SNX13: variants seen among roughly 807,000 people sequenced by gnomAD.
SNX13 encodes sorting nexin 13.
SNX13 carries 45 observed loss-of-function variants against 133.6 expected under a neutral mutation model. The ratio of observed to expected loss-of-function variants is 0.34; its 90% CI spans 0.27 to 0.43. The LOEUF is 0.43. Ranked by LOEUF, SNX13 falls within the 20% of genes least tolerant of loss-of-function variation. The pLI is 1.00. For synonymous variants in SNX13, 414 were observed against 373.9 expected (o/e 1.11, Z -1.24); for missense variants, 1,032 against 1,145.1 (o/e 0.90, Z 1.43).
intron 15 of SNX13, chr7:17,832,488 A>G: frequency 2.0e-6 from 2 of 983,086 alleles, no homozygotes; most frequent in Non-Finnish European, 2.4e-6. Flanking sequence ...TCCACTTCAC[A>G]AATACGAAGA....
chr7:17,793,359 C>A lies in SNX13; in HGVS notation c.*686G>T, dbSNP rs1180766733. ...GAGTACCCTAAGAGCAAAACACAGC[C>A]CTTAAAGCACACATAAGAATAAAAA... On this transcript the variant is annotated 3_prime_UTR_variant, in exon 26 of 26. Coordinates refer to ENST00000428135, the MANE Select transcript of SNX13 (RefSeq NM_015132.5). 2.0e-5 allele frequency: 3 copies of A among 151,950 alleles called. No individual in the cohort carries two copies. The highest frequency in any genetic ancestry group is 7.3e-5 in the African/African-American group (3 of 41,350). The allele number at this position is 151,950 out of a possible 1,614,324, so 9.4% of individuals were successfully genotyped here.
chr7:17,878,698 T>C (rs1583593019), intron 5 of SNX13, among the ~76,000 whole-genome samples: 1 of 152,142 alleles, frequency 6.6e-6, no homozygotes, highest in Admixed American at 6.5e-5. Context: ...AAAACTGCAA[T>C]AACACCCCAT....
intron 1 of SNX13, among the ~76,000 whole-genome samples, chr7:17,902,875 G>T (rs1797984954): frequency 6.6e-6 from 1 of 152,172 alleles, no homozygotes. Context: ...ATAGGAACGT[G>T]AAACCTATTG....
At chr7:17,880,200 T>C (rs528270871) in intron 5 of SNX13, 33 of 152,350 alleles carry the variant, frequency 2.2e-4, no homozygotes, top group African/African-American at 7.5e-4. Context: ...TTCTTTAAAA[T>C]GGCATGGCAA....
intron 7 of SNX13, among the ~76,000 whole-genome samples, chr7:17,874,132 A>T (rs187744517): frequency 1.1e-3 from 161 of 152,338 alleles, no homozygotes; most frequent in African/African-American, 3.6e-3. Context: ...TTACATTCTA[A>T]GTTACTGTAA....
chr7:17,869,952 T>A (rs1793877216), intron 8 of SNX13, among the ~76,000 whole-genome samples: 1 of 152,006 alleles, frequency 6.6e-6, no homozygotes, highest in East Asian at 1.9e-4. Context: ...CTGGGGAAAA[T>A]TTTTGATTAA....
At chr7:17,832,543 A>T (rs1034785514) in intron 15 of SNX13, 2 of 932,726 alleles carry the variant, frequency 2.1e-6, no homozygotes, top group Non-Finnish European at 1.3e-6. Context: ...AAAAACTTTT[A>T]TAATAGTCAT....
rs1350279452 is a variant in SNX13 at position 17,790,815 on chromosome 7, AT to A, written c.*3229del. On this transcript the variant is annotated 3_prime_UTR_variant, in exon 26 of 26. Coordinates refer to ENST00000428135, the MANE Select transcript of SNX13 (RefSeq NM_015132.5). ...AATGGACAGAACACAAACCAAATAA[AT>A]TTTTTAATCCTTTTAGTTGAATAAA... 6.6e-6 allele frequency: 1 copy of A among 152,086 alleles called. No homozygotes were observed. The highest frequency in any genetic ancestry group is 6.6e-5 in the Admixed American group (1 of 15,266). The allele number at this position is 152,086 out of a possible 1,614,324, so 9.4% of individuals were successfully genotyped here. A position where few individuals can be genotyped will look rare whatever the true frequency, so the allele number is the denominator to read the frequency against.
intron 20 of SNX13, among the ~76,000 whole-genome samples, chr7:17,806,039 A>G (rs577006633): frequency 1.0e-3 from 158 of 152,334 alleles, no homozygotes; most frequent in African/African-American, 3.6e-3. Flanking sequence ...CTTTCAGATG[A>G]TCATGCACAG....
intron 8 of SNX13, among the ~76,000 whole-genome samples, chr7:17,869,344 G>A (rs1793771946): frequency 6.6e-6 from 1 of 151,854 alleles, no homozygotes; most frequent in African/African-American, 2.4e-5. Context: ...TCTTCTCAAG[G>A]TCATTGTTTT....
chr7:17,820,874 C>CT (rs1276769971), intron 18 of SNX13, among the ~76,000 whole-genome samples: 1 of 151,608 alleles, frequency 6.6e-6, no homozygotes, highest in African/African-American at 2.4e-5. Flanking sequence ...CATCAAAGAT[C>CT]TTTTTTTTAA....
At chr7:17,858,912 T>C (rs1792272209) in intron 9 of SNX13, among the ~76,000 whole-genome samples, 1 of 152,094 alleles carries the variant, frequency 6.6e-6, no homozygotes, top group African/African-American at 2.4e-5. Flanking sequence ...TGTCTGTATT[T>C]TAAAAATCAA....
At position 17,791,015 on chromosome 7, in the gene SNX13, G is replaced by T. The variant is rs544844882; in HGVS notation, c.*3030C>A. On this transcript the variant is annotated 3_prime_UTR_variant, in exon 26 of 26. Transcript: ENST00000428135. Reference sequence around the variant, plus strand: ...TTTTCCCTTGTAATACAGGAGCCATGCTCCTAAAAGCAAAATTTACTACTA... The same window carrying T: ...TTTTCCCTTGTAATACAGGAGCCATTCTCCTAAAAGCAAAATTTACTACTA... 4.6e-5 allele frequency: 7 copies of T among 152,062 alleles called. No individual in the cohort carries two copies. Among genetic ancestry groups the T allele is most frequent in the African/African-American group, 9.6e-5 (4 of 41,534 alleles). 9.4% of individuals were successfully genotyped at this position (152,062 alleles called of 1,614,324 possible). A position where few individuals can be genotyped will look rare whatever the true frequency, so the allele number is the denominator to read the frequency against.
intron 9 of SNX13, among the ~76,000 whole-genome samples, chr7:17,858,670 A>G (rs953463215): frequency 6.6e-6 from 1 of 152,150 alleles, no homozygotes; most frequent in East Asian, 1.9e-4. Flanking sequence ...AAACAATCCT[A>G]GAGAAAAAGA....
chr7:17,875,360 C>T, intron 7 of SNX13, 120 bp downstream of exon 7: 4 of 665,274 alleles, frequency 6.0e-6, no homozygotes, highest in Non-Finnish European at 9.9e-6. Context: ...AAATGAATAG[C>T]ATCTTTACTA....
intron 20 of SNX13, among the ~76,000 whole-genome samples, chr7:17,807,758 C>T (rs1447665374): frequency 6.6e-6 from 1 of 152,174 alleles, no homozygotes; most frequent in Non-Finnish European, 1.5e-5. Flanking sequence ...GATGAAGCAT[C>T]CAGAGGAAGG....
Position 17,850,893 on chromosome 7 carries a change from T to C in SNX13, c.909A>G (p.Leu303=). Residue 303 remains leucine, a synonymous_variant, in exon 10 of 26, where the codon CTA becomes CTG. Coordinates refer to ENST00000428135, the MANE Select transcript of SNX13 (RefSeq NM_015132.5). ...IIKLSDNIGE[L]EAVRDKAAEE... is the part of the protein sequence containing the mutation. ...CTGCTGCCTTATCTCTGACTGCTTC[T>C]AGCTCTCCAATATTGTCACTCAATT... is the stretch of plus-strand genomic sequence containing the variant. 3 of 1,612,532 alleles carry C rather than the reference T, an allele frequency of 1.9e-6. No homozygotes were observed. Among genetic ancestry groups the C allele is most frequent in the South Asian group, 1.1e-5 (1 of 90,908 alleles).
At chr7:17,831,884 CCTA>C (rs1788533667) in intron 15 of SNX13, 1 of 984,084 alleles carries the variant, frequency 1.0e-6, no homozygotes, top group Non-Finnish European at 1.2e-6. Flanking sequence ...TGGCCTAAAA[CCTA>C]AACACTGACA....
At chr7:17,841,129 T>C (rs1789819789) in intron 12 of SNX13, among the ~76,000 whole-genome samples, 1 of 152,122 alleles carries the variant, frequency 6.6e-6, no homozygotes, top group South Asian at 2.1e-4. Flanking sequence ...CTGCTGCTTC[T>C]GATCAAAGAG....
Sources: gnomAD v4.1 joint callset for allele counts (sites outside exome capture counted in the v4.1 genomes callset) on GRCh38, gnomAD v4.1.1 for gene constraint, MANE v1.5 for transcripts, NCBI Gene and HGNC (gene_info 2026-07-23, HGNC 2026-07-21) for gene names.